RBM12B: variants seen among roughly 807,000 people sequenced by gnomAD.
RBM12B encodes RNA-binding protein 12B.
A neutral mutation model predicts 34.3 loss-of-function variants in RBM12B; 10 were observed. That is an observed-to-expected ratio of 0.29 (90% CI 0.18 to 0.49). The LOEUF (loss-of-function observed/expected upper bound fraction) is 0.49. Ranked by LOEUF, RBM12B falls within the 20% of genes least tolerant of loss-of-function variation. RBM12B has a pLI of 0.99. For missense variants in RBM12B, 1,139 were observed against 1,262.7 expected, an observed-to-expected ratio of 0.90 and a Z score of 1.48; for synonymous variants, 477 against 437.1, an observed-to-expected ratio of 1.09 and a Z score of -1.14.
In RBM12B at chr8:93,731,099, G is replaced by A. The variant is rs1002656135; in HGVS notation, c.*2306C>T. 1.3e-5 allele frequency: 2 copies of A among 152,226 alleles called. No homozygotes were observed. The highest frequency in any genetic ancestry group is 4.8e-5 in the African/African-American group (2 of 41,442). The allele number at this position is 152,226 out of a possible 1,614,324, so 9.4% of individuals were successfully genotyped here. On this transcript the variant is annotated 3_prime_UTR_variant, in exon 4 of 4. Coordinates refer to ENST00000520560, the MANE Select transcript of RBM12B (RefSeq NM_001377960.1). ...AGCTTGAGCCCAGGAGTTAGAAGCTGCAGTGAACCATTATCAGACCACTGC... is the reference window on the plus strand; with the variant it reads ...AGCTTGAGCCCAGGAGTTAGAAGCTACAGTGAACCATTATCAGACCACTGC...
rs754833573 is a variant in RBM12B, at chr8:93,729,214, T to C, written c.*4191A>G. On this transcript the variant is annotated 3_prime_UTR_variant, in exon 4 of 4. Transcript: ENST00000520560. The stretch of plus-strand genomic sequence containing the variant: ...TTGGGATAATTAGAAAATGCAATTA[T>C]TCATAACAGAAAAATAAAGACTTTC... 1 of 152,156 alleles carries C rather than the reference T, an allele frequency of 6.6e-6. No homozygotes were observed. The highest frequency in any genetic ancestry group is 1.5e-5 in the Non-Finnish European group (1 of 67,982). The allele number at this position is 152,156 out of a possible 1,614,324, so 9.4% of individuals were successfully genotyped here.
chr8:93,733,555 A>G lies in RBM12B; in HGVS notation c.2856T>C (p.Pro952=), dbSNP rs1811864858. Residue 952 remains proline (P), a synonymous_variant, in exon 4 of 4, where the codon CCT becomes CCC. Coordinates refer to ENST00000520560, the MANE Select transcript of RBM12B (RefSeq NM_001377960.1). ...LDFFHGYRII[P]DSVSIQYNEQ... ...CATTATACTGTATCGAAACTGAATC[A>G]GGTATGATTCTGTAACCATGGAAAA... 1 of 1,613,646 alleles carries G rather than the reference A, an allele frequency of 6.2e-7. No homozygotes were observed. Among genetic ancestry groups the G allele is most frequent in the East Asian group, 2.2e-5 (1 of 44,862 alleles).
At chr8:93,736,620 C>A (rs1812029877) in intron 3 of RBM12B, among the ~76,000 whole-genome samples, 182 bp from the exon 4 acceptor site, 1 of 152,186 alleles carries the variant, frequency 6.6e-6, no homozygotes, top group Non-Finnish European at 1.5e-5. Flanking sequence ...AACTTTCTCC[C>A]ATCTAAAAAT....
rs367561030 is a variant in RBM12B at position 93,733,676 on chromosome 8, A to G, written c.2735T>C (p.Met912Thr). 3.1e-6 allele frequency: 5 copies of G among 1,613,936 alleles called. No individual in the cohort carries two copies. The highest frequency in any genetic ancestry group is 4.2e-6 in the Non-Finnish European group (5 of 1,180,032). Residue 912 changes from methionine (M) to threonine (T), a missense_variant, in exon 4 of 4, where the codon ATG (methionine) becomes ACG (threonine). By Grantham distance (81) the Met-to-Thr change is moderately conservative (BLOSUM62 -1). Coordinates refer to ENST00000520560, the MANE Select transcript of RBM12B (RefSeq NM_001377960.1). ...NMGSFPEGRF[M>T]PDPKINCGSG... is the part of the protein sequence containing the mutation. ...ACCACAATTTATTTTTGGATCAGGC[A>G]TAAATCTCCCCTCAGGAAAACTTCC...
rs1811852301 is a variant in RBM12B at position 93,733,221 on chromosome 8, GAA to G, written c.*182_*183del. 2 of 381,466 alleles carry G rather than the reference GAA, an allele frequency of 5.2e-6. No individual in the cohort carries two copies. Among genetic ancestry groups the G allele is most frequent in the Non-Finnish European group, 8.9e-6 (2 of 225,584 alleles). 23.6% of individuals were successfully genotyped at this position (381,466 alleles called of 1,614,324 possible). A position where few individuals can be genotyped will look rare whatever the true frequency, so the allele number is the denominator to read the frequency against. ...TAATTTTAAATTTGAAAAAAAAAAA[GAA>G]TGGCAATTTGCAAGCAAAAGAAAAC... On this transcript the variant is annotated 3_prime_UTR_variant, in exon 4 of 4. Coordinates refer to ENST00000520560, the MANE Select transcript of RBM12B (RefSeq NM_001377960.1).
chr8:93,735,970 T>A lies in RBM12B; in HGVS notation c.441A>T (p.Thr147=). The change falls in exon 4 of 4, where the codon ACA becomes ACT. Residue 147 remains threonine (T), a synonymous_variant. Transcript: ENST00000520560. ...AAGGATTCTCGGCCTTCAATGGCCT[T>A]GTCTTTCTTGGCCTTAAATTACCAT... ...TGHGNLRPRK[T]RPLKAENPYL... The A allele has an allele frequency of 6.2e-7, 1 of 1,614,222 alleles. No homozygotes were observed. Among genetic ancestry groups the A allele is most frequent in the Non-Finnish European group, 8.5e-7 (1 of 1,180,042 alleles).
Position 93,736,213 on chromosome 8 carries a change from A to G in RBM12B, c.198T>C (p.Asp66=). ...AISRSGGFIK[D]SSVELFLSSK... ...TACTAAGAAAGAGCTCTACAGATGA[A>G]TCCTTGATAAACCCTCCTGAACGAC... Residue 66 remains aspartate, a synonymous_variant, in exon 4 of 4, where the codon GAT becomes GAC. Transcript: ENST00000520560. The G allele has an allele frequency of 6.2e-7, 1 of 1,614,212 alleles. No individual in the cohort carries two copies. Among genetic ancestry groups the G allele is most frequent in the Non-Finnish European group, 8.5e-7 (1 of 1,180,036 alleles).
At position 93,734,215 on chromosome 8, in the gene RBM12B, A is replaced by ACGGAAATGCTCCTGAGGTGGCCTC. The variant is rs776286173; in HGVS notation, c.2172_2195dup (p.Gln728_Pro735dup). ...TCCGGAAATGCTCTGGGGGTGGCCG[A>ACGGAAATGCTCCTGAGGTGGCCTC]CGGAAATGCTCCTGAGGTGGCCTCC... On this transcript the variant is annotated inframe_insertion, in exon 4 of 4. Transcript: ENST00000520560. 4 of 1,589,278 alleles carry ACGGAAATGCTCCTGAGGTGGCCTC rather than the reference A, an allele frequency of 2.5e-6. No homozygotes were observed. In the African/African-American group the frequency reaches 5.6e-5, roughly 22 times the overall value.
In RBM12B at chr8:93,732,127, T is replaced by C. The variant is rs1811814156; in HGVS notation, c.*1278A>G. ...AAAATTGGCCCCACGATTTACTACC[T>C]ATGACTTCAAGCAAGTTGCTTAACC... On this transcript the variant is annotated 3_prime_UTR_variant, in exon 4 of 4. Coordinates refer to ENST00000520560, the MANE Select transcript of RBM12B (RefSeq NM_001377960.1). The C allele has an allele frequency of 6.6e-6, 1 of 152,218 alleles. No individual in the cohort carries two copies. The highest frequency in any genetic ancestry group is 2.4e-5 in the African/African-American group (1 of 41,450). 9.4% of individuals were successfully genotyped at this position (152,218 alleles called of 1,614,324 possible).
Position 93,733,897 on chromosome 8 carries a change from A to T in RBM12B, c.2514T>A (p.Pro838=). The T allele has an allele frequency of 1.2e-6, 2 of 1,612,664 alleles. No individual in the cohort carries two copies. Among genetic ancestry groups the T allele is most frequent in the Non-Finnish European group, 1.7e-6 (2 of 1,179,550 alleles). ...GGAGCTGCCTGAAGTCCTCATCAGA[A>T]GGGCATCTAAAATCTTCCTCCTGGG... ...RSPQEEDFRC[P]SDEDFRQLPE... is the part of the protein sequence containing the mutation. The change falls in exon 4 of 4, where the codon CCT becomes CCA. Residue 838 remains proline, a synonymous_variant. Coordinates refer to ENST00000520560, the MANE Select transcript of RBM12B (RefSeq NM_001377960.1).
chr8:93,734,066 G>A lies in RBM12B; in HGVS notation c.2345C>T (p.Pro782Leu), dbSNP rs754269809. 90 of 1,582,464 alleles carry A rather than the reference G, an allele frequency of 5.7e-5. No individual in the cohort carries two copies. Among genetic ancestry groups the A allele is most frequent in the Admixed American group, 3.4e-4 (18 of 52,610 alleles). The change falls in exon 4 of 4, where the codon CCG (proline) becomes CTG (leucine). Residue 782 changes from proline to leucine, a missense_variant. Physicochemically the swap from Pro to Leu is moderately conservative, Grantham distance 98. Coordinates refer to ENST00000520560, the MANE Select transcript of RBM12B (RefSeq NM_001377960.1). ...RRPPPEHFRRPPQEHFRRPPQ... is the reference protein window; with the variant it reads ...RRPPPEHFRRLPQEHFRRPPQ... ...CGGCCGCCTGAAATGCTCCTGGGGC[G>A]GTCTCCGGAAGTGCTCCGGGGGCGG...
chr8:93,733,811 G>C lies in RBM12B; in HGVS notation c.2600C>G (p.Pro867Arg), dbSNP rs1442690949. 6.2e-7 allele frequency: 1 copy of C among 1,614,132 alleles called. No individual in the cohort carries two copies. The highest frequency in any genetic ancestry group is 1.1e-5 in the South Asian group (1 of 91,074). The change falls in exon 4 of 4, where the codon CCT (proline) becomes CGT (arginine). Residue 867 changes from proline (P) to arginine (R), a missense_variant. By Grantham distance (103) the Pro-to-Arg change is moderately radical. Around this residue, in one of 3 missense-constraint regions of RBM12B, gnomAD observed 863 missense variants for 869.5 expected, o/e 0.99. Coordinates refer to ENST00000520560, the MANE Select transcript of RBM12B (RefSeq NM_001377960.1). ...EDPRLPDNFR[P>R]PGEDFRSPPD... ...CGGGCTCCTAAAATCCTCACCAGGA[G>C]GTCTAAAATTGTCAGGAAGTCTAGG...
At position 93,735,004 on chromosome 8, in the gene RBM12B, C is replaced by T. The variant is rs376125597; in HGVS notation, c.1407G>A (p.Glu469=). ...RLNRRRFLGT[E]VLLRLISEAQ... ...CCTCAGATATAAGTCTTAATAACACCTCTGTCCCTAGGAATCTTCGTCGGT... is the reference window on the plus strand; with the variant it reads ...CCTCAGATATAAGTCTTAATAACACTTCTGTCCCTAGGAATCTTCGTCGGT... The change falls in exon 4 of 4, where the codon GAG becomes GAA. Residue 469 remains glutamate, a synonymous_variant. Transcript: ENST00000520560. The T allele has an allele frequency of 4.5e-5, 72 of 1,613,996 alleles. No homozygotes were observed. Among genetic ancestry groups the T allele is most frequent in the Non-Finnish European group, 2.4e-5 (28 of 1,180,002 alleles).
Position 93,728,522 on chromosome 8 carries a change from C to A in RBM12B, c.*4883G>T. 2.8e-6 allele frequency: 1 copy of A among 354,004 alleles called. No homozygotes were observed. Among genetic ancestry groups the A allele is most frequent in the Non-Finnish European group, 5.1e-6 (1 of 196,702 alleles). 21.9% of individuals were successfully genotyped at this position (354,004 alleles called of 1,614,324 possible). On this transcript the variant is annotated 3_prime_UTR_variant, in exon 4 of 4. Transcript: ENST00000520560. ...TGTTACATGATTTTTGTGTAAGTGC[C>A]TTTTTTTTTAAAGATGGTGTATTTC... is the stretch of plus-strand genomic sequence containing the variant.
rs770738974 is a variant in RBM12B at position 93,733,954 on chromosome 8, AAAGTCTTCATCAGGAGGGCCCCTG to A, written c.2433_2456del (p.Gly813_Arg820del). On this transcript the variant is annotated inframe_deletion, in exon 4 of 4. Coordinates refer to ENST00000520560, the MANE Select transcript of RBM12B (RefSeq NM_001377960.1). ...TGAAGTCCTCATCAGGAGGGTGCCT[AAAGTCTTCATCAGGAGGGCCCCTG>A]AAGTCTTCATCTGGTGGGTGCCTGA... is the stretch of plus-strand genomic sequence containing the variant. The A allele has an allele frequency of 1.6e-5, 25 of 1,611,964 alleles. No individual in the cohort carries two copies. The highest frequency in any genetic ancestry group is 2.7e-5 in the African/African-American group (2 of 74,318).
In RBM12B at chr8:93,740,675, C is replaced by T. The variant is rs1342540855; in HGVS notation, c.-124G>A. 1 of 370,762 alleles carries T rather than the reference C, an allele frequency of 2.7e-6. No individual in the cohort carries two copies. The highest frequency in any genetic ancestry group is 7.2e-5 in the East Asian group (1 of 13,840). The allele number at this position is 370,762 out of a possible 1,614,324, so 23.0% of individuals were successfully genotyped here. Reference sequence around the variant, plus strand: ...TCACTCTCAAGATCCCTGGGAAGCGCACATACACCACCACATGGAAGCTGA... The same window carrying T: ...TCACTCTCAAGATCCCTGGGAAGCGTACATACACCACCACATGGAAGCTGA... On this transcript the variant is annotated 5_prime_UTR_variant, in exon 2 of 4. Coordinates refer to ENST00000520560, the MANE Select transcript of RBM12B (RefSeq NM_001377960.1).
Position 93,736,521 on chromosome 8 carries a change from C to G in RBM12B, c.-28-83G>C, listed in dbSNP as rs934658241. The G allele has an allele frequency of 1.4e-5, 15 of 1,044,006 alleles. No individual in the cohort carries two copies. The Admixed American group carries it at 4.4e-4, about 31-fold the overall frequency. The allele number at this position is 1,044,006 out of a possible 1,614,324, so 64.7% of individuals were successfully genotyped here. A position where few individuals can be genotyped will look rare whatever the true frequency, so the allele number is the denominator to read the frequency against. On this transcript the variant is annotated intron_variant, in intron 3 of 3. Transcript: ENST00000520560. ...AACTAAGCTTAATAATTACCTGGTT[C>G]CTGCTTTCTTCAACATTTATAAATG...
At position 93,734,747 on chromosome 8, in the gene RBM12B, G is replaced by A. The variant is rs368479776; in HGVS notation, c.1664C>T (p.Pro555Leu). The change falls in exon 4 of 4, where the codon CCA becomes CTA. Residue 555 changes from proline to leucine, a missense_variant. Physicochemically the swap from Pro to Leu is moderately conservative, Grantham distance 98 (BLOSUM62 -3). Coordinates refer to ENST00000520560, the MANE Select transcript of RBM12B (RefSeq NM_001377960.1). ...RDFRQPDRHP[P>L]EDFRHSSEDF... is the part of the protein sequence containing the mutation. Reference sequence around the variant, plus strand: ...CTCTGAGGAGTGTCGGAAGTCTTCTGGAGGGTGCCTGTCAGGCTGCCGGAA... The same window carrying A: ...CTCTGAGGAGTGTCGGAAGTCTTCTAGAGGGTGCCTGTCAGGCTGCCGGAA... 6 of 1,614,050 alleles carry A rather than the reference G, an allele frequency of 3.7e-6. No individual in the cohort carries two copies. In the African/African-American group the frequency reaches 5.3e-5, roughly 14 times the overall value.
chr8:93,739,275 G>A (rs1365504137), intron 2 of RBM12B: 2 of 152,140 alleles, frequency 1.3e-5, no homozygotes, highest in Non-Finnish European at 2.9e-5. Context: ...AATTAGAGAC[G>A]TTTCAAGGAA....
Sources: gnomAD v4.1 joint callset for allele counts (sites outside exome capture counted in the v4.1 genomes callset) on GRCh38, gnomAD v4.1.1 for gene constraint, gnomAD v4.1.1 regional missense constraint, MANE v1.5 for transcripts, NCBI Gene and HGNC (gene_info 2026-07-23, HGNC 2026-07-21) for gene names.